LPAR1: variants seen among roughly 807,000 people sequenced by gnomAD.
LPAR1 encodes the protein lysophosphatidic acid receptor 1.
Under a neutral mutation model 23.8 loss-of-function variants are expected in LPAR1, and 5 were observed. That is an observed-to-expected ratio of 0.21 (90% CI 0.11 to 0.44). The LOEUF is 0.44. Ranked by LOEUF, LPAR1 falls within the 20% of genes least tolerant of loss-of-function variation. LPAR1 has a pLI of 0.99. For synonymous variants in LPAR1, 160 were observed against 164.7 expected (o/e 0.97, Z 0.22); for missense variants, 311 against 482.8 (o/e 0.64, Z 3.33).
At chr9:110,930,001 G>T (rs1315909260) in intron 5 of LPAR1, among the ~76,000 whole-genome samples, 1 of 152,052 alleles carries the variant, frequency 6.6e-6, no homozygotes, top group Admixed American at 6.6e-5. Context: ...AGCTGCCTGT[G>T]AATTCTACTG....
chr9:110,973,518 T>C lies in LPAR1; in HGVS notation c.-141A>G, dbSNP rs1463702200. On this transcript the variant is annotated 5_prime_UTR_variant, in exon 3 of 6. Coordinates refer to ENST00000683809, the MANE Select transcript of LPAR1 (RefSeq NM_001351411.2). The stretch of plus-strand genomic sequence containing the variant: ...GTGTCAGTCCTGAGAAGTCAGGTAC[T>C]CAGATAGGTGGATGGGGAGCTTCAT... 6.6e-6 allele frequency: 1 copy of C among 152,200 alleles called. No individual in the cohort carries two copies. Among genetic ancestry groups the C allele is most frequent in the Non-Finnish European group, 1.5e-5 (1 of 68,038 alleles). 9.4% of individuals were successfully genotyped at this position (152,200 alleles called of 1,614,324 possible).
chr9:110,929,394 C>T (rs1458099982), intron 5 of LPAR1, among the ~76,000 whole-genome samples: 3 of 151,958 alleles, frequency 2.0e-5, no homozygotes, highest in Admixed American at 1.3e-4. Context: ...CATTAAAATG[C>T]TTTTTTCAAA....
chr9:110,976,371 C>T (rs571126485), intron 2 of LPAR1, among the ~76,000 whole-genome samples: 1,626 of 150,822 alleles, frequency 0.011, 21 homozygotes, highest in Non-Finnish European at 0.014. Flanking sequence ...CCAGGCGTGG[C>T]GGCAGGCGCC....
chr9:110,981,291 C>G (rs1480556439), intron 2 of LPAR1, among the ~76,000 whole-genome samples: 1 of 152,046 alleles, frequency 6.6e-6, no homozygotes, highest in African/African-American at 2.4e-5. Context: ...GCTAGGGAAT[C>G]CAACTGCCTA....
chr9:111,037,265 AG>A (rs2097912654), intron 1 of LPAR1, among the ~76,000 whole-genome samples: 1 of 152,192 alleles, frequency 6.6e-6, no homozygotes. Context: ...CTAACCCCAT[AG>A]GAAACGACGC....
At chr9:110,991,772 T>C (rs1166262595) in intron 2 of LPAR1, among the ~76,000 whole-genome samples, 1 of 152,054 alleles carries the variant, frequency 6.6e-6, no homozygotes, top group East Asian at 1.9e-4. Context: ...TTTGTATTTT[T>C]AGTAGAGATG....
In LPAR1 at chr9:110,879,785, G is replaced by A. The variant is rs554793665; in HGVS notation, c.794-4063C>T. 7.2e-5 allele frequency among the ~76,000 whole-genome samples: 11 copies of A among 152,314 alleles called. No individual in the cohort carries two copies. The East Asian group carries it at 2.1e-3, about 29-fold the overall frequency. ...GATAATGAAAGCCAGAATCAGGACA[G>A]CAGCACTGGGAAGAGATATAGAAGG... On this transcript the variant is annotated intron_variant, in intron 5 of 5. Coordinates refer to ENST00000683809, the MANE Select transcript of LPAR1 (RefSeq NM_001351411.2).
At chr9:110,990,814 A>G (rs997411816) in intron 2 of LPAR1, among the ~76,000 whole-genome samples, 2 of 152,132 alleles carry the variant, frequency 1.3e-5, no homozygotes, top group Non-Finnish European at 2.9e-5. Flanking sequence ...ACAATTGCTA[A>G]CGCTCTAACC....
chr9:110,894,207 A>G (rs993278751), intron 5 of LPAR1, among the ~76,000 whole-genome samples: 2 of 152,230 alleles, frequency 1.3e-5, no homozygotes, highest in Non-Finnish European at 2.9e-5. Flanking sequence ...ATTTATTTTA[A>G]TCTCCGAGGC....
chr9:111,004,630 T>C (rs1466473076), intron 2 of LPAR1, among the ~76,000 whole-genome samples: 1 of 152,160 alleles, frequency 6.6e-6, no homozygotes, highest in Non-Finnish European at 1.5e-5. Flanking sequence ...TTGATTCTTA[T>C]CCAACTTTGT....
intron 5 of LPAR1, among the ~76,000 whole-genome samples, chr9:110,902,308 G>A (rs2089478630): frequency 6.6e-6 from 1 of 152,152 alleles, no homozygotes; most frequent in Admixed American, 6.6e-5. Context: ...ATCTTGAATT[G>A]TAGTTCCCAT....
intron 4 of LPAR1, among the ~76,000 whole-genome samples, chr9:110,943,929 CT>C (rs2095279113): frequency 6.6e-6 from 1 of 151,506 alleles, no homozygotes; most frequent in Admixed American, 6.6e-5. Flanking sequence ...GTTTTAAGGG[CT>C]TATGAGTGCA....
rs538320943 is a variant in LPAR1, at chr9:110,974,142, G to A, written c.-181-584C>T. ...CCACTGCACTCCAGCCTGGGCAACA[G>A]AGCAAGACTCCGTCTCAAAAAAAAA... On this transcript the variant is annotated intron_variant, in intron 2 of 5. Transcript: ENST00000683809. Among the ~76,000 whole-genome samples, 222 of 143,130 alleles carry A rather than the reference G, an allele frequency of 1.6e-3. 3 individuals carry two copies. The highest frequency in any genetic ancestry group is 5.3e-3 in the African/African-American group (203 of 38,346). 93.9% of individuals were successfully genotyped at this position (143,130 alleles called of 152,430 possible). A position where few individuals can be genotyped will look rare whatever the true frequency, so the allele number is the denominator to read the frequency against.
Position 110,886,172 on chromosome 9 carries a change from G to A in LPAR1, c.794-10450C>T, listed in dbSNP as rs488428. Among the ~76,000 whole-genome samples the A allele has an allele frequency of 6.8e-4, 101 of 149,460 alleles. No homozygotes were observed. The South Asian group carries it at 8.8e-3, about 13-fold the overall frequency. On this transcript the variant is annotated intron_variant, in intron 5 of 5. Transcript: ENST00000683809. ...AAGATTGCACCATTGCACTCCAGCC[G>A]GAGCAACAAGAGCAAAAATCCATCT...
intron 2 of LPAR1, among the ~76,000 whole-genome samples, chr9:110,974,351 G>T (rs1159333006): frequency 2.0e-5 from 3 of 152,190 alleles, no homozygotes; most frequent in Non-Finnish European, 4.4e-5. Context: ...AGGAACTGTG[G>T]AGTTGGACAT....
At chr9:110,896,787 CT>C (rs3030133) in intron 5 of LPAR1, among the ~76,000 whole-genome samples, 195 of 126,298 alleles carry the variant, frequency 1.5e-3, no homozygotes, top group South Asian at 2.1e-3. Context: ...TTAGTGAAAT[CT>C]TTTTTTTTTT....
At chr9:110,975,339 G>C (rs2096533305) in intron 2 of LPAR1, among the ~76,000 whole-genome samples, 1 of 152,182 alleles carries the variant, frequency 6.6e-6, no homozygotes, top group African/African-American at 2.4e-5. Flanking sequence ...AAAGATGCGA[G>C]ACTGGGATTT....
chr9:110,901,582 G>A (rs553619677), intron 5 of LPAR1, among the ~76,000 whole-genome samples: 3 of 152,232 alleles, frequency 2.0e-5, no homozygotes, highest in Admixed American at 6.5e-5. Context: ...AACAGATCTC[G>A]TGAGACTTAT....
intron 5 of LPAR1, among the ~76,000 whole-genome samples, chr9:110,905,546 G>C (rs2090977511): frequency 1.3e-5 from 2 of 151,792 alleles, no homozygotes; most frequent in East Asian, 1.9e-4. Flanking sequence ...GTAGAGATGG[G>C]GTTTCACCAT....
Sources: allele counts gnomAD v4.1 joint callset (sites outside exome capture counted in the v4.1 genomes callset), GRCh38; gene constraint gnomAD v4.1.1; transcripts MANE v1.5; gene names NCBI Gene and HGNC (gene_info 2026-07-23, HGNC 2026-07-21).